The following ZNF385D variants were observed in gnomAD, a reference collection of about 807,000 sequenced individuals.
ZNF385D encodes the protein zinc finger protein 385D.
A neutral mutation model predicts 35.8 loss-of-function variants in ZNF385D; 15 were observed. The observed-to-expected ratio is 0.42, with a 90% CI of 0.28 to 0.64. The LOEUF (loss-of-function observed/expected upper bound fraction) is 0.64, where lower values mean the gene tolerates loss of function less well. ZNF385D is among the 30% of genes least tolerant of loss of function. ZNF385D has a pLI of 0.23. For synonymous variants in ZNF385D, 212 were observed against 186.8 expected, an observed-to-expected ratio of 1.13 and a Z score of -1.10; for missense variants, 474 against 494.6, an observed-to-expected ratio of 0.96 and a Z score of 0.39.
At chr3:22,331,031 T>G (rs1353762249) in intron 2 of ZNF385D, among the ~76,000 whole-genome samples, 1 of 152,218 alleles carries the variant, frequency 6.6e-6, no homozygotes, top group Non-Finnish European at 1.5e-5. Context: ...TACATATATA[T>G]GCACATTTAT....
intron 3 of ZNF385D, among the ~76,000 whole-genome samples, chr3:21,556,380 A>C (rs1482523889): frequency 6.6e-6 from 1 of 152,166 alleles, no homozygotes; most frequent in East Asian, 1.9e-4. Flanking sequence ...TCTTTAATCC[A>C]TTGTGAGTTA....
intron 3 of ZNF385D, among the ~76,000 whole-genome samples, chr3:22,089,774 G>C (rs1362113747): frequency 6.6e-6 from 1 of 152,060 alleles, no homozygotes; most frequent in Non-Finnish European, 1.5e-5. Context: ...TATATTTTTA[G>C]AGTCTTTATT....
At chr3:21,958,890 G>A (rs562848683) in intron 3 of ZNF385D, 1 of 152,034 alleles carries the variant, frequency 6.6e-6, no homozygotes, top group African/African-American at 2.4e-5. Flanking sequence ...AATCATTGAA[G>A]ATAAATGAAA....
intron 3 of ZNF385D, among the ~76,000 whole-genome samples, chr3:22,127,646 G>T (rs917818452): frequency 1.3e-5 from 2 of 151,696 alleles, no homozygotes; most frequent in Admixed American, 1.3e-4. Flanking sequence ...GGCCCTAAAT[G>T]TTTTCTTGAT....
At chr3:21,752,007 A>ACCCCCCCCCCC (rs71044940), upstream of ZNF385D, among the ~76,000 whole-genome samples, 2 of 88,582 alleles carry the variant, frequency 2.3e-5, no homozygotes, top group African/African-American at 4.9e-5. Context: ...ACACACACCC[A>ACCCCCCCCCCC]CCCCCCTCCC....
intron 4 of ZNF385D, among the ~76,000 whole-genome samples, chr3:21,505,952 C>T (rs1298767213): frequency 6.6e-6 from 1 of 152,094 alleles, no homozygotes; most frequent in African/African-American, 2.4e-5. Context: ...TCTCTCCTCC[C>T]TCGAAGTACC....
chr3:21,902,922 G>C (rs1348241942), intron 3 of ZNF385D, among the ~76,000 whole-genome samples: 3 of 152,096 alleles, frequency 2.0e-5, no homozygotes, highest in South Asian at 2.1e-4. Context: ...TATTTTGATA[G>C]ACTTTCAGTG....
intron 1 of ZNF385D, among the ~76,000 whole-genome samples, chr3:21,704,059 C>T (rs1031005548): frequency 1.3e-5 from 2 of 152,196 alleles, no homozygotes; most frequent in African/African-American, 4.8e-5. Flanking sequence ...GCCCCTTTTT[C>T]ATATGCTTTT....
At chr3:21,461,525 G>A (rs1703176865) in intron 4 of ZNF385D, among the ~76,000 whole-genome samples, 2 of 152,314 alleles carry the variant, frequency 1.3e-5, no homozygotes, top group African/African-American at 4.8e-5. Flanking sequence ...TCCAGCCTGG[G>A]CAATGGAGCT....
At chr3:22,104,749 T>C (rs1576327096) in intron 3 of ZNF385D, among the ~76,000 whole-genome samples, 1 of 152,114 alleles carries the variant, frequency 6.6e-6, no homozygotes, top group East Asian at 1.9e-4. Context: ...TTATGGGAGA[T>C]AAATTGTACC....
At chr3:21,985,542 T>G (rs1576086653) in intron 3 of ZNF385D, among the ~76,000 whole-genome samples, 1 of 120,764 alleles carries the variant, frequency 8.3e-6, no homozygotes, top group African/African-American at 3.6e-5. Flanking sequence ...GGATAAGCTT[T>G]TTGATGTGCT....
chr3:21,586,446 A>G (rs1278106648), intron 2 of ZNF385D, among the ~76,000 whole-genome samples: 2 of 152,206 alleles, frequency 1.3e-5, no homozygotes, highest in Admixed American at 1.3e-4. Flanking sequence ...AGGAGAAGTT[A>G]TTAGACTCCT....
At chr3:22,089,593 G>T (rs1243009701) in intron 3 of ZNF385D, among the ~76,000 whole-genome samples, 5 of 152,072 alleles carry the variant, frequency 3.3e-5, no homozygotes, top group African/African-American at 1.2e-4. Flanking sequence ...CATGACCTCC[G>T]TGGCCTTTTT....
At chr3:22,315,599 A>G (rs1703844279) in intron 2 of ZNF385D, among the ~76,000 whole-genome samples, 2 of 152,322 alleles carry the variant, frequency 1.3e-5, no homozygotes, top group South Asian at 2.1e-4. Context: ...CACTGACAAT[A>G]GTGTTAAACA....
chr3:22,296,109 G>A (rs1702562776), intron 2 of ZNF385D, among the ~76,000 whole-genome samples: 1 of 152,128 alleles, frequency 6.6e-6, no homozygotes, highest in South Asian at 2.1e-4. Flanking sequence ...TCAATCCAAT[G>A]CCATAGGTTT....
chr3:21,948,434 C>T (rs1701901506), intron 3 of ZNF385D, among the ~76,000 whole-genome samples: 1 of 152,042 alleles, frequency 6.6e-6, no homozygotes, highest in Non-Finnish European at 1.5e-5. Flanking sequence ...TCTGCTCCTC[C>T]TTAAATTCCT....
chr3:22,030,563 A>G (rs962489259), intron 3 of ZNF385D, among the ~76,000 whole-genome samples: 4 of 151,858 alleles, frequency 2.6e-5, no homozygotes, highest in Admixed American at 2.6e-4. Flanking sequence ...CTCCCTCAGT[A>G]TCATGAGAAC....
Position 21,790,078 on chromosome 3 carries a change from G to C in ZNF385D, c.326-125050C>G, listed in dbSNP as rs1042392682. 2.6e-5 allele frequency among the ~76,000 whole-genome samples: 4 copies of C among 152,158 alleles called. No individual in the cohort carries two copies. In the South Asian group the frequency reaches 8.3e-4, roughly 32 times the overall value. On this transcript the variant is annotated intron_variant, in intron 3 of 5. Coordinates refer to the ZNF385D transcript ENST00000494108. ...AGAGCATAGCACATATACTCTACAA[G>C]ACACAAACACACACATAACTATCTA...
At chr3:21,702,676 G>A (rs2067735225) in intron 1 of ZNF385D, among the ~76,000 whole-genome samples, 1 of 152,124 alleles carries the variant, frequency 6.6e-6, no homozygotes, top group South Asian at 2.1e-4. Flanking sequence ...GCCTTTAACA[G>A]CACCCAAGTC....
Sources: allele counts gnomAD v4.1 joint callset (sites outside exome capture counted in the v4.1 genomes callset), GRCh38; gene constraint gnomAD v4.1.1; transcripts MANE v1.5; gene names NCBI Gene and HGNC (gene_info 2026-07-23, HGNC 2026-07-21).